The following EDIL3 variants were observed in gnomAD, a reference collection of about 807,000 sequenced individuals.
The protein encoded by EDIL3 is EGF-like repeat and discoidin I-like domain-containing protein 3.
A neutral mutation model predicts 67.4 loss-of-function variants in EDIL3; 37 were observed. The ratio of observed to expected loss-of-function variants is 0.55; its 90% CI spans 0.42 to 0.72. The LOEUF is 0.72. Ranked by LOEUF, EDIL3 falls within the 30% of genes least tolerant of loss-of-function variation. The pLI, the probability that EDIL3 is intolerant of heterozygous loss-of-function variation, is 0.00. For synonymous variants in EDIL3, 195 were observed against 196.3 expected, an observed-to-expected ratio of 0.99 and a Z score of 0.05; for missense variants, 527 against 586.3, an observed-to-expected ratio of 0.90 and a Z score of 1.04.
chr5:84,264,139 G>A (rs62363026), intron 1 of EDIL3, among the ~76,000 whole-genome samples: 14,231 of 152,152 alleles, frequency 0.094, 737 homozygotes, highest in Middle Eastern at 0.16. Flanking sequence ...CCAGCTACTC[G>A]GGAGGCTGAG....
intron 6 of EDIL3, among the ~76,000 whole-genome samples, chr5:84,101,225 G>T (rs1747359871): frequency 6.6e-6 from 1 of 152,024 alleles, no homozygotes; most frequent in Non-Finnish European, 1.5e-5. Context: ...TAAGAGCTGT[G>T]AATTAGGCTA....
chr5:84,346,196 T>C (rs1747237268), intron 1 of EDIL3, among the ~76,000 whole-genome samples: 2 of 145,282 alleles, frequency 1.4e-5, no homozygotes. Context: ...AGTGCAGTGG[T>C]GCAGTGTTGC....
intron 1 of EDIL3, among the ~76,000 whole-genome samples, chr5:84,379,189 T>C (rs762501764): frequency 9.2e-5 from 14 of 152,162 alleles, no homozygotes; most frequent in Non-Finnish European, 1.9e-4. Context: ...ATCTGTAACA[T>C]AGTTTTGAGG....
intron 1 of EDIL3, among the ~76,000 whole-genome samples, chr5:84,267,163 CT>C (rs753207144): frequency 2.6e-5 from 4 of 152,152 alleles, no homozygotes. Flanking sequence ...CACTTTCTCC[CT>C]TCACCTCTTC....
intron 4 of EDIL3, among the ~76,000 whole-genome samples, chr5:84,180,013 T>G (rs553933829): frequency 4.7e-5 from 7 of 148,658 alleles, no homozygotes; most frequent in Non-Finnish European, 7.4e-5. Flanking sequence ...GTTTTGTTTT[T>G]TTTTTTCTGG....
intron 2 of EDIL3, among the ~76,000 whole-genome samples, chr5:84,230,301 G>C (rs1744545736): frequency 6.6e-6 from 1 of 152,114 alleles, no homozygotes; most frequent in African/African-American, 2.4e-5. Context: ...ATTTGGCAAA[G>C]AGGAATTAAA....
chr5:84,090,642 T>A (rs141803178), intron 6 of EDIL3, among the ~76,000 whole-genome samples: 1 of 152,214 alleles, frequency 6.6e-6, no homozygotes, highest in East Asian at 1.9e-4. Flanking sequence ...AATGAACTGC[T>A]TGTTTATGGA....
intron 1 of EDIL3, among the ~76,000 whole-genome samples, chr5:84,283,225 T>G (rs1745739752): frequency 6.6e-6 from 1 of 152,140 alleles, no homozygotes; most frequent in Admixed American, 6.5e-5. Context: ...CATATTGGTA[T>G]TTAATAGATG....
At chr5:83,946,482 C>T (rs988862498) in intron 10 of EDIL3, among the ~76,000 whole-genome samples, 2 of 151,872 alleles carry the variant, frequency 1.3e-5, no homozygotes, top group Admixed American at 1.3e-4. Context: ...ATGTAGCTAT[C>T]TTGATTTTCT....
chr5:84,195,729 A>G (rs1165316194), intron 3 of EDIL3, among the ~76,000 whole-genome samples: 3 of 151,986 alleles, frequency 2.0e-5, no homozygotes, highest in East Asian at 3.9e-4. Context: ...GGAAGATTAA[A>G]TATCTTCTGG....
chr5:83,954,213 C>A (rs1453300746), intron 10 of EDIL3, among the ~76,000 whole-genome samples: 1 of 151,396 alleles, frequency 6.6e-6, no homozygotes, highest in East Asian at 2.0e-4. Context: ...ATATAATAAA[C>A]AATCAAAATA....
Position 84,308,058 on chromosome 5 carries a change from A to G in EDIL3, c.68-53846T>C, listed in dbSNP as rs535166534. ...TCTGCCCAACAGTATAAAGAAAATA[A>G]TGAGGACAAAGCAAGTTGAAGGCAG... On this transcript the variant is annotated intron_variant, in intron 1 of 10. Transcript: ENST00000296591. 3.9e-5 allele frequency among the ~76,000 whole-genome samples: 6 copies of G among 152,318 alleles called. No homozygotes were observed. The South Asian group carries it at 1.2e-3, about 32-fold the overall frequency.
chr5:84,004,077 A>G (rs1202573459), intron 9 of EDIL3, among the ~76,000 whole-genome samples: 1 of 152,188 alleles, frequency 6.6e-6, no homozygotes, highest in Non-Finnish European at 1.5e-5. Context: ...AAAAGGACAA[A>G]GAAGTACACT....
intron 4 of EDIL3, among the ~76,000 whole-genome samples, chr5:84,162,813 T>C (rs892414683): frequency 6.6e-6 from 1 of 152,094 alleles, no homozygotes; most frequent in African/African-American, 2.4e-5. Context: ...CTGTCCTTGA[T>C]CTGTATCCAG....
chr5:84,104,011 T>C (rs756279534), intron 6 of EDIL3, among the ~76,000 whole-genome samples: 4 of 152,086 alleles, frequency 2.6e-5, no homozygotes, highest in African/African-American at 7.2e-5. Context: ...ATCTGATACA[T>C]AGACACCATG....
At chr5:84,102,964 T>G (rs1032227808) in intron 6 of EDIL3, among the ~76,000 whole-genome samples, 1 of 152,110 alleles carries the variant, frequency 6.6e-6, no homozygotes, top group Non-Finnish European at 1.5e-5. Flanking sequence ...GACTTCAAAC[T>G]ATACTATAGG....
intron 1 of EDIL3, among the ~76,000 whole-genome samples, chr5:84,292,847 G>A (rs1008049894): frequency 1.3e-5 from 2 of 152,120 alleles, no homozygotes; most frequent in Non-Finnish European, 2.9e-5. Context: ...TAACAGCCTT[G>A]CAAGATCGAG....
At chr5:84,273,459 C>T (rs527932686) in intron 1 of EDIL3, among the ~76,000 whole-genome samples, 38 of 152,222 alleles carry the variant, frequency 2.5e-4, no homozygotes, top group African/African-American at 8.9e-4. Flanking sequence ...TTTGCTCCCA[C>T]GTGTAAAAAG....
intron 4 of EDIL3, among the ~76,000 whole-genome samples, chr5:84,165,809 A>G (rs1748694215): frequency 6.6e-6 from 1 of 152,166 alleles, no homozygotes; most frequent in Non-Finnish European, 1.5e-5. Flanking sequence ...TAAGTGCTGA[A>G]TAAGTGCTTG....
Sources: allele counts gnomAD v4.1 joint callset (sites outside exome capture counted in the v4.1 genomes callset), GRCh38; gene constraint gnomAD v4.1.1; transcripts MANE v1.5; gene names NCBI Gene and HGNC (gene_info 2026-07-23, HGNC 2026-07-21).